ASIC2: variants seen among roughly 807,000 people sequenced by gnomAD.
ASIC2 encodes acid-sensing ion channel 2.
Under a neutral mutation model 57.3 loss-of-function variants are expected in ASIC2, and 25 were observed. The observed-to-expected ratio is 0.44, with a 90% CI of 0.32 to 0.61. The LOEUF (loss-of-function observed/expected upper bound fraction) is 0.61, where lower values mean the gene tolerates loss of function less well. Among genes scored for constraint, ASIC2 ranks in the 20% least tolerant of loss-of-function variants. The pLI, the probability that ASIC2 is intolerant of heterozygous loss-of-function variation, is 0.06. For missense variants in ASIC2, 641 were observed against 738.1 expected (o/e 0.87, Z 1.52); for synonymous variants, 319 against 307.5 (o/e 1.04, Z -0.39).
chr17:33,986,207 G>T (rs1313057632), intron 1 of ASIC2, among the ~76,000 whole-genome samples: 4 of 150,774 alleles, frequency 2.7e-5, no homozygotes, highest in Non-Finnish European at 5.9e-5. Context: ...CAGGAATCTG[G>T]TTTTTTTTCC....
chr17:33,552,080 C>T (rs1915768221), intron 1 of ASIC2, among the ~76,000 whole-genome samples: 1 of 152,202 alleles, frequency 6.6e-6, no homozygotes, highest in Admixed American at 6.5e-5. Flanking sequence ...CCCACCGCTT[C>T]CCGGTAGCCT....
At chr17:33,316,286 T>C (rs1257802824) in intron 1 of ASIC2, among the ~76,000 whole-genome samples, 2 of 152,144 alleles carry the variant, frequency 1.3e-5, no homozygotes, top group Non-Finnish European at 2.9e-5. Flanking sequence ...GTCTCTCCGT[T>C]GTCTACAAAA....
chr17:33,720,627 A>G (rs1909360407), intron 1 of ASIC2, among the ~76,000 whole-genome samples: 1 of 152,220 alleles, frequency 6.6e-6, no homozygotes, highest in South Asian at 2.1e-4. Flanking sequence ...AGAAACATAA[A>G]TGAATGGACA....
At chr17:33,814,022 G>C (rs1009669076) in intron 1 of ASIC2, among the ~76,000 whole-genome samples, 1 of 152,124 alleles carries the variant, frequency 6.6e-6, no homozygotes, top group Non-Finnish European at 1.5e-5. Flanking sequence ...CAGGTGGGTA[G>C]GTTCACAGAG....
intron 3 of ASIC2, among the ~76,000 whole-genome samples, chr17:33,059,098 T>C (rs1248141771): frequency 6.6e-6 from 1 of 152,058 alleles, no homozygotes; most frequent in Admixed American, 6.6e-5. Flanking sequence ...CACAAAACTA[T>C]ATGCGGAAAA....
At chr17:33,453,187 G>A (rs762734350) in intron 1 of ASIC2, among the ~76,000 whole-genome samples, 3 of 151,372 alleles carry the variant, frequency 2.0e-5, no homozygotes, top group Non-Finnish European at 4.4e-5. Flanking sequence ...TTGTGTATTA[G>A]AGAAAGCCTG....
At chr17:33,623,258 G>T (rs1200677670) in intron 1 of ASIC2, among the ~76,000 whole-genome samples, 2 of 151,240 alleles carry the variant, frequency 1.3e-5, no homozygotes, top group African/African-American at 2.4e-5. Flanking sequence ...TTGTTTGTTT[G>T]TTTGTTTGTT....
At chr17:33,453,054 G>A (rs1189082418) in intron 1 of ASIC2, among the ~76,000 whole-genome samples, 3 of 152,112 alleles carry the variant, frequency 2.0e-5, no homozygotes, top group Non-Finnish European at 4.4e-5. Flanking sequence ...CAGCCTCTCC[G>A]AAGGTTGCTA....
intron 1 of ASIC2, among the ~76,000 whole-genome samples, chr17:33,711,411 G>A (rs1204317652): frequency 6.6e-6 from 1 of 152,164 alleles, no homozygotes; most frequent in Non-Finnish European, 1.5e-5. Context: ...GAGAGTCAAG[G>A]AGCCTCATCC....
intron 1 of ASIC2, among the ~76,000 whole-genome samples, chr17:33,568,385 A>G (rs1392190940): frequency 2.0e-5 from 3 of 151,980 alleles, no homozygotes; most frequent in Non-Finnish European, 4.4e-5. Flanking sequence ...TGTGCAACCA[A>G]CCTCTGAATT....
intron 1 of ASIC2, among the ~76,000 whole-genome samples, chr17:34,010,725 G>T (rs1033342477): frequency 6.7e-6 from 1 of 148,660 alleles, no homozygotes; most frequent in South Asian, 2.2e-4. Flanking sequence ...ACACAGACAT[G>T]TACAGAGAAA....
chr17:33,963,764 C>T (rs1019327367), intron 1 of ASIC2, among the ~76,000 whole-genome samples: 2 of 152,082 alleles, frequency 1.3e-5, no homozygotes, highest in South Asian at 4.2e-4. Flanking sequence ...AAACATGAGT[C>T]TTTAGTTCAT....
intron 1 of ASIC2, among the ~76,000 whole-genome samples, chr17:33,594,827 CAAAA>C (rs61263575): frequency 8.8e-6 from 1 of 114,184 alleles, no homozygotes; most frequent in Non-Finnish European, 1.8e-5. Flanking sequence ...GACTCCATTT[CAAAA>C]AAAAAAAAAA....
chr17:33,315,186 G>C (rs542107895), intron 1 of ASIC2, among the ~76,000 whole-genome samples: 1 of 152,308 alleles, frequency 6.6e-6, no homozygotes, highest in African/African-American at 2.4e-5. Flanking sequence ...TGTCACAACA[G>C]TGTCTGGTAT....
At chr17:33,063,145 C>G (rs1278429593) in intron 3 of ASIC2, among the ~76,000 whole-genome samples, 1 of 152,154 alleles carries the variant, frequency 6.6e-6, no homozygotes, top group African/African-American at 2.4e-5. Flanking sequence ...TTAATTGGAG[C>G]ATTTAGCACA....
intron 1 of ASIC2, among the ~76,000 whole-genome samples, chr17:33,228,947 G>A (rs937564426): frequency 6.6e-6 from 1 of 152,220 alleles, no homozygotes; most frequent in African/African-American, 2.4e-5. Context: ...CACTTGCATG[G>A]GGATCCTGAG....
intron 1 of ASIC2, among the ~76,000 whole-genome samples, chr17:33,961,738 G>T (rs2141992350): frequency 9.1e-6 from 1 of 109,300 alleles, no homozygotes; most frequent in East Asian, 2.1e-4. Context: ...GACATATTTG[G>T]GAGGGAAAAA....
chr17:33,280,884 GTGGCA>G (rs1302834573), intron 1 of ASIC2, among the ~76,000 whole-genome samples: 1 of 152,162 alleles, frequency 6.6e-6, no homozygotes, highest in Non-Finnish European at 1.5e-5. Context: ...CCATTTCAAA[GTGGCA>G]AAATAATTTT....
rs147066129 is a variant in ASIC2, at chr17:33,312,662, C to T, written c.556-200595G>A. Among the ~76,000 whole-genome samples the T allele has an allele frequency of 7.2e-3, 1,102 of 152,092 alleles. 4 individuals carry two copies. The highest frequency in any genetic ancestry group is 8.3e-3 in the African/African-American group (345 of 41,502). On this transcript the variant is annotated intron_variant, in intron 1 of 9. Transcript: ENST00000359872. ...AGAAAGAGTCAGTGTGGGCCAGGTG[C>T]GGTGGCTCATGCCTGTAATCCCAGC...
Sources: allele counts gnomAD v4.1 joint callset (sites outside exome capture counted in the v4.1 genomes callset), GRCh38; gene constraint gnomAD v4.1.1; transcripts MANE v1.5; gene names NCBI Gene and HGNC (gene_info 2026-07-23, HGNC 2026-07-21).